The following SPTBN5 variants were observed in gnomAD, a reference collection of about 807,000 sequenced individuals.
SPTBN5 encodes spectrin beta, non-erythrocytic 5.
Under a neutral mutation model 477.6 loss-of-function variants are expected in SPTBN5, and 513 were observed. The observed-to-expected ratio is 1.07, with a 90% CI of 1.00 to 1.16. SPTBN5 has a LOEUF of 1.16. Among genes scored for constraint, SPTBN5 ranks in the 50% most tolerant of loss-of-function variants. The pLI, the probability that SPTBN5 is intolerant of heterozygous loss-of-function variation, is 0.00. For synonymous variants in SPTBN5, 2,169 were observed against 2,011.7 expected (o/e 1.08, Z -2.09); for missense variants, 5,062 against 4,731.8 (o/e 1.07, Z -2.05).
chr15:41,876,690 T>TAC, intron 19 of SPTBN5, 43 bp from the exon 20 acceptor site: 2 of 1,559,018 alleles, frequency 1.3e-6, no homozygotes, highest in Non-Finnish European at 8.8e-7. Context: ...GGGAGAGGAC[T>TAC]CCCACCCCAG....
intron 27 of SPTBN5, among the ~76,000 whole-genome samples, 183 bp downstream of exon 27, chr15:41,872,119 A>C (rs1435154589): frequency 6.6e-6 from 1 of 152,258 alleles, no homozygotes; most frequent in Non-Finnish European, 1.5e-5. Context: ...GATGGACTGC[A>C]GGGAGTTGTG....
rs909780462 is a variant in SPTBN5 at position 41,848,476 on chromosome 15, A to C, written c.*140T>G. ...CCCATCTAACCAGAAGGAACTGTCTATTCCAGAAGCTGGGCCTGGGGAACT... is the reference window on the plus strand; with the variant it reads ...CCCATCTAACCAGAAGGAACTGTCTCTTCCAGAAGCTGGGCCTGGGGAACT... On this transcript the variant is annotated 3_prime_UTR_variant, in exon 68 of 68. Transcript: ENST00000320955. 3.9e-5 allele frequency: 38 copies of C among 970,340 alleles called. No individual in the cohort carries two copies. Among genetic ancestry groups the C allele is most frequent in the Admixed American group, 1.4e-4 (8 of 57,082 alleles). 60.1% of individuals were successfully genotyped at this position (970,340 alleles called of 1,614,324 possible).
In SPTBN5 at chr15:41,855,651, C is replaced by G. The variant is rs778959980; in HGVS notation, c.9116G>C (p.Arg3039Pro). 1.2e-6 allele frequency: 2 copies of G among 1,608,190 alleles called. No individual in the cohort carries two copies. The highest frequency in any genetic ancestry group is 3.4e-5 in the Admixed American group (2 of 59,622). Residue 3039 changes from arginine (R) to proline (P), a missense_variant, in exon 54 of 68, where the codon CGG becomes CCG. Arg to Pro is a moderately radical substitution (Grantham distance 103). Transcript: ENST00000320955. ...HSAEATQALL[R>P]RLEATKRDLE... ...GTCTCTCTTGGTGGCCTCCAGCCGC[C>G]GCAGAAGGGCCTGTGTGGCTTCAGC...
At position 41,865,870 on chromosome 15, in the gene SPTBN5, C is replaced by G. The variant is rs1173339048; in HGVS notation, c.6856G>C (p.Asp2286His). Residue 2286 changes from aspartate to histidine, a missense_variant, in exon 39 of 68, where the codon GAC becomes CAC. Asp to His is a moderately conservative substitution (Grantham distance 81). Transcript: ENST00000320955. Reference sequence around the variant, plus strand: ...CGGAGCTGCAGGCAGTGCTCCAGGTCCTGGCCCAGGTCACCAACATTCATC... The same window carrying G: ...CGGAGCTGCAGGCAGTGCTCCAGGTGCTGGCCCAGGTCACCAACATTCATC... ...VKMNVGDLGQ[D>H]LEHCLQLRRR... 6.3e-7 allele frequency: 1 copy of G among 1,584,332 alleles called. No homozygotes were observed. Among genetic ancestry groups the G allele is most frequent in the Non-Finnish European group, 8.6e-7 (1 of 1,165,948 alleles).
At chr15:41,851,604 C>A (rs181522689) in intron 63 of SPTBN5, among the ~76,000 whole-genome samples, 175 bp downstream of exon 63, 4 of 115,204 alleles carry the variant, frequency 3.5e-5, no homozygotes, top group African/African-American at 1.0e-4. Context: ...TAGGTGGGGG[C>A]GGTGGCAGGA....
intron 3 of SPTBN5, 35 bp downstream of exon 3, chr15:41,892,859 C>T: frequency 1.3e-6 from 2 of 1,558,732 alleles, no homozygotes; most frequent in Non-Finnish European, 1.7e-6. Flanking sequence ...CTGCCTGCCC[C>T]AGCACCATCC....
In SPTBN5 at chr15:41,854,804, T is replaced by TGGTC. The variant is rs767878946; in HGVS notation, c.9592_9595dup (p.Gln3199ArgfsTer16). ...TACCTCTGTGCGGGCTTTTATTGCT[T>TGGTC]GGTCCAACCTCTCCCAAGCAGCCTC... On this transcript the variant is annotated frameshift_variant, in exon 56 of 68. Coordinates refer to ENST00000320955, the MANE Select transcript of SPTBN5 (RefSeq NM_016642.4). LOFTEE classifies it high-confidence loss of function. 1 of 1,553,164 alleles carries TGGTC rather than the reference T, an allele frequency of 6.4e-7. No individual in the cohort carries two copies. Among genetic ancestry groups the TGGTC allele is most frequent in the African/African-American group, 1.4e-5 (1 of 72,526 alleles).
chr15:41,865,991 AGGGCTCC>A (rs1555464017), intron 38 of SPTBN5, 40 bp downstream of exon 38: 1 of 1,546,852 alleles, frequency 6.5e-7, no homozygotes, highest in Non-Finnish European at 8.7e-7. Flanking sequence ...CTGTCAAGGG[AGGGCTCC>A]TCCCCCCATC....
rs1171699536 is a variant in SPTBN5 at position 41,853,598 on chromosome 15, G to A, written c.9964C>T (p.Arg3322Cys). The A allele has an allele frequency of 5.1e-6, 8 of 1,576,384 alleles. No homozygotes were observed. Among genetic ancestry groups the A allele is most frequent in the Admixed American group, 1.7e-5 (1 of 58,528 alleles). The change falls in exon 58 of 68, where the codon CGC (arginine) becomes TGC (cysteine). Residue 3322 changes from arginine (R) to cysteine (C), a missense_variant. Coordinates refer to ENST00000320955, the MANE Select transcript of SPTBN5 (RefSeq NM_016642.4). Reference protein sequence around the residue: ...QAAQGHAFLGRCQELLAWAQE... With the variant: ...QAAQGHAFLGCCQELLAWAQE... Reference sequence around the variant, plus strand: ...GACACCTACAGCAGTTCCTGGCAGCGCCCGAGGAAGGCATGGCCCTGTGCA... The same window carrying A: ...GACACCTACAGCAGTTCCTGGCAGCACCCGAGGAAGGCATGGCCCTGTGCA...
Position 41,854,766 on chromosome 15 carries a change from G to A in SPTBN5, c.9618+16C>T. 1 of 1,496,978 alleles carries A rather than the reference G, an allele frequency of 6.7e-7. No individual in the cohort carries two copies. The highest frequency in any genetic ancestry group is 1.4e-5 in the South Asian group (1 of 72,900). The allele number at this position is 1,496,978 out of a possible 1,614,324, so 92.7% of individuals were successfully genotyped here. On this transcript the variant is annotated intron_variant, in intron 56 of 67. Coordinates refer to ENST00000320955, the MANE Select transcript of SPTBN5 (RefSeq NM_016642.4). The stretch of plus-strand genomic sequence containing the variant: ...CTCTGACACCCCTTAGCTTGGCCCG[G>A]CCTGTGATCACCTACCTCTGTGCGG...
intron 32 of SPTBN5, among the ~76,000 whole-genome samples, chr15:41,869,128 G>A (rs941979746): frequency 6.6e-6 from 1 of 152,188 alleles, no homozygotes; most frequent in Admixed American, 6.5e-5. Context: ...TCAGGCCCTT[G>A]TCCAAATGTC....
chr15:41,848,744 G>A (rs540870962), intron 67 of SPTBN5, 116 bp from the exon 68 acceptor site: 19 of 1,229,844 alleles, frequency 1.5e-5, no homozygotes, highest in African/African-American at 8.9e-5. Context: ...TAGAATAAGC[G>A]TGGGAGTGGA....
chr15:41,861,229 C>T lies in SPTBN5; in HGVS notation c.7815+190G>A, dbSNP rs1243796312. ...CCTTGGTGTTCGCGGTGGGGCCTGC[C>T]CACAGCTGCATGGGAACTGCTCTAG... On this transcript the variant is annotated intron_variant, in intron 46 of 67. Transcript: ENST00000320955. Among the ~76,000 whole-genome samples, 3 of 152,216 alleles carry T rather than the reference C, an allele frequency of 2.0e-5. No individual in the cohort carries two copies. The East Asian group carries it at 5.8e-4, about 29-fold the overall frequency.
intron 3 of SPTBN5, among the ~76,000 whole-genome samples, chr15:41,892,625 G>A (rs2067346729): frequency 6.6e-6 from 1 of 152,236 alleles, no homozygotes; most frequent in African/African-American, 2.4e-5. Context: ...AATCCTGTGA[G>A]TCTCTCTTAT....
In SPTBN5 at chr15:41,871,434, G is replaced by C. The variant is rs776617655; in HGVS notation, c.5388C>G (p.Ser1796Arg). ...CAGCACTGTGCCCACGCTCTAGCAGGCTCTCCGCCAGCAGCCGGCAGGCGG... is the reference window on the plus strand; with the variant it reads ...CAGCACTGTGCCCACGCTCTAGCAGCCTCTCCGCCAGCAGCCGGCAGGCGG... ...RVAACRLLAE[S>R]LLERGHSAGP... The change falls in exon 29 of 68, where the codon AGC (serine) becomes AGG (arginine). Residue 1796 changes from serine (S) to arginine (R), a missense_variant. Physicochemically the swap from Ser to Arg is moderately radical, Grantham distance 110. Transcript: ENST00000320955. 5 of 1,543,300 alleles carry C rather than the reference G, an allele frequency of 3.2e-6. No homozygotes were observed. The highest frequency in any genetic ancestry group is 2.4e-5 in the South Asian group (2 of 82,528).
intron 59 of SPTBN5, 125 bp downstream of exon 59, chr15:41,853,133 C>T (rs1354559655): frequency 2.7e-6 from 4 of 1,457,876 alleles, no homozygotes; most frequent in African/African-American, 1.4e-5. Flanking sequence ...CCTTCCCAGC[C>T]TCTCTCCCTG....
intron 7 of SPTBN5, among the ~76,000 whole-genome samples, chr15:41,884,228 T>G (rs1394697244): frequency 6.6e-6 from 1 of 152,154 alleles, no homozygotes; most frequent in Non-Finnish European, 1.5e-5. Context: ...CCTCGTGATC[T>G]GCCCGCCTCA....
In SPTBN5 at chr15:41,874,335, G is replaced by C; in HGVS notation, c.4646C>G (p.Thr1549Ser). Residue 1549 changes from threonine to serine, a missense_variant, in exon 24 of 68, where the codon ACC becomes AGC. Physicochemically the swap from Thr to Ser is moderately conservative, Grantham distance 58. Transcript: ENST00000320955. Reference sequence around the variant, plus strand: ...GCTCTGGGCACCATTCAAGCACTCGGTATAGCTGGTGGGGCTGCCATGGGG... The same window carrying C: ...GCTCTGGGCACCATTCAAGCACTCGCTATAGCTGGTGGGGCTGCCATGGGG... ...HMPHGSPTSY[T>S]ECLNGAQSLH... The C allele has an allele frequency of 6.2e-7, 1 of 1,613,854 alleles. No individual in the cohort carries two copies. Among genetic ancestry groups the C allele is most frequent in the Non-Finnish European group, 8.5e-7 (1 of 1,179,868 alleles).
At position 41,858,592 on chromosome 15, in the gene SPTBN5, A is replaced by G. The variant is rs1288195280; in HGVS notation, c.8226+10T>C. 1 of 1,608,224 alleles carries G rather than the reference A, an allele frequency of 6.2e-7. No homozygotes were observed. The highest frequency in any genetic ancestry group is 8.5e-7 in the Non-Finnish European group (1 of 1,178,628). The stretch of plus-strand genomic sequence containing the variant: ...GCTGTCCCACCACCCTCCTGCCTGC[A>G]GGGCCTCACCCGCTGCAGCTCCTGC... On this transcript the variant is annotated intron_variant, in intron 49 of 67. Coordinates refer to ENST00000320955, the MANE Select transcript of SPTBN5 (RefSeq NM_016642.4).
Sources: gnomAD v4.1 joint callset for allele counts (sites outside exome capture counted in the v4.1 genomes callset) on GRCh38, gnomAD v4.1.1 for gene constraint, MANE v1.5 for transcripts, NCBI Gene and HGNC (gene_info 2026-07-23, HGNC 2026-07-21) for gene names.